TNFAIP8L3: variants seen among roughly 807,000 people sequenced by gnomAD.
TNFAIP8L3 encodes the protein TNF alpha induced protein 8 like 3, also known as tumor necrosis factor alpha-induced protein 8-like protein 3.
TNFAIP8L3 carries 7 observed loss-of-function variants against 11.8 expected under a neutral mutation model. The observed-to-expected ratio is 0.59, with a 90% confidence interval of 0.34 to 1.11. The LOEUF is 1.11. Ranked by LOEUF, TNFAIP8L3 falls within the 50% of genes most tolerant of loss-of-function variation. The probability of loss-of-function intolerance (pLI) is 0.03; values close to 1 mark genes in which losing one functional copy is unlikely to be tolerated. For missense variants in TNFAIP8L3, 219 were observed against 258.6 expected (o/e 0.85, Z 1.05); for synonymous variants, 98 against 103.8 (o/e 0.94, Z 0.34).
chr15:51,058,456 A>T lies in TNFAIP8L3; in HGVS notation c.53-13T>A. On this transcript the variant is annotated splice_polypyrimidine_tract_variant and intron_variant, in intron 1 of 1. Coordinates refer to ENST00000637513, the MANE Select transcript of TNFAIP8L3 (RefSeq NM_001311175.2). The stretch of plus-strand genomic sequence containing the variant: ...AAAACATCAGGACCTATGGTAAAAA[A>T]AATATATATAAAAGTTTTAGAAATA... 7.4e-7 allele frequency: 1 copy of T among 1,357,564 alleles called. No individual in the cohort carries two copies. Among genetic ancestry groups the T allele is most frequent in the Non-Finnish European group, 9.4e-7 (1 of 1,066,726 alleles). The allele number at this position is 1,357,564 out of a possible 1,614,324, so 84.1% of individuals were successfully genotyped here.
At chr15:51,077,021 T>C (rs2065356492) in intron 1 of TNFAIP8L3, among the ~76,000 whole-genome samples, 1 of 152,154 alleles carries the variant, frequency 6.6e-6, no homozygotes, top group South Asian at 2.1e-4. Context: ...CCATTCTTCG[T>C]AAATGGAATC....
At chr15:51,083,547 G>A (rs1449230259) in intron 1 of TNFAIP8L3, among the ~76,000 whole-genome samples, 2 of 152,264 alleles carry the variant, frequency 1.3e-5, no homozygotes, top group Non-Finnish European at 2.9e-5. Context: ...CCAGCGAGCA[G>A]CAGCGACGCT....
chr15:51,087,917 C>CTTTA (rs2065440619), intron 1 of TNFAIP8L3, among the ~76,000 whole-genome samples: 1 of 15,536 alleles, frequency 6.4e-5, no homozygotes, highest in Non-Finnish European at 1.3e-4. Flanking sequence ...TCTAGCATAC[C>CTTTA]TTTATATATA....
chr15:51,077,779 G>A (rs1164069912), intron 1 of TNFAIP8L3, among the ~76,000 whole-genome samples: 3 of 152,242 alleles, frequency 2.0e-5, no homozygotes, highest in Non-Finnish European at 4.4e-5. Flanking sequence ...CGGAGCCTCA[G>A]GATTTCGCGC....
At chr15:51,103,696 C>T (rs1489591979) in intron 1 of TNFAIP8L3, among the ~76,000 whole-genome samples, 13 of 152,218 alleles carry the variant, frequency 8.5e-5, no homozygotes, top group Non-Finnish European at 1.6e-4. Context: ...TCCTTCCAAA[C>T]TCCGTGTTAC....
At chr15:51,074,976 C>A (rs2065339529) in intron 1 of TNFAIP8L3, among the ~76,000 whole-genome samples, 1 of 152,206 alleles carries the variant, frequency 6.6e-6, no homozygotes, top group African/African-American at 2.4e-5. Flanking sequence ...GTGCTGAGTT[C>A]TTAGGGATTG....
At chr15:51,104,897 T>G in intron 1 of TNFAIP8L3, 1 of 1,361,538 alleles carries the variant, frequency 7.3e-7, no homozygotes, top group Non-Finnish European at 1.0e-6. Flanking sequence ...GTGCTGGCCC[T>G]CTTCAGATGC....
intron 1 of TNFAIP8L3, among the ~76,000 whole-genome samples, chr15:51,077,786 G>A (rs1009097173): frequency 2.0e-5 from 3 of 152,236 alleles, no homozygotes; most frequent in African/African-American, 4.8e-5. Flanking sequence ...TCAGGATTTC[G>A]CGCCTTGGGC....
chr15:51,077,199 G>A (rs139923437), intron 1 of TNFAIP8L3, among the ~76,000 whole-genome samples: 1,589 of 152,276 alleles, frequency 0.01, 14 homozygotes, highest in Middle Eastern at 0.027. Context: ...GCCTGTGCTC[G>A]CCACAGAGCG....
intron 1 of TNFAIP8L3, among the ~76,000 whole-genome samples, chr15:51,100,656 C>T (rs1028155489): frequency 4.6e-5 from 7 of 151,812 alleles, no homozygotes; most frequent in African/African-American, 1.7e-4. Context: ...TCTGGTGCCA[C>T]ATTTTAAGAA....
intron 1 of TNFAIP8L3, among the ~76,000 whole-genome samples, chr15:51,084,517 T>A (rs1161264917): frequency 6.6e-6 from 1 of 152,240 alleles, no homozygotes; most frequent in African/African-American, 2.4e-5. Flanking sequence ...ATCTGTTTCT[T>A]CATCTGTAAA....
chr15:51,080,381 T>C (rs1761927782), intron 1 of TNFAIP8L3, among the ~76,000 whole-genome samples: 1 of 152,170 alleles, frequency 6.6e-6, no homozygotes. Flanking sequence ...TCTCAATAGG[T>C]TCAAACACAT....
chr15:51,083,948 G>T (rs1272989563), intron 1 of TNFAIP8L3, among the ~76,000 whole-genome samples: 1 of 152,238 alleles, frequency 6.6e-6, no homozygotes, highest in Non-Finnish European at 1.5e-5. Flanking sequence ...TGGGGAACAG[G>T]CACTGCAGCT....
At chr15:51,092,931 G>A (rs937425492) in intron 1 of TNFAIP8L3, among the ~76,000 whole-genome samples, 4 of 152,180 alleles carry the variant, frequency 2.6e-5, no homozygotes, top group Admixed American at 2.0e-4. Flanking sequence ...CAGAAGAAGA[G>A]ATAGAGGGTT....
intron 1 of TNFAIP8L3, among the ~76,000 whole-genome samples, chr15:51,072,383 G>A (rs997244510): frequency 6.6e-6 from 1 of 152,170 alleles, no homozygotes; most frequent in Non-Finnish European, 1.5e-5. Context: ...CAAGTGATCT[G>A]CCTCCTCTTA....
intron 1 of TNFAIP8L3, among the ~76,000 whole-genome samples, chr15:51,092,454 C>G (rs958487808): frequency 1.3e-5 from 2 of 152,238 alleles, no homozygotes; most frequent in African/African-American, 2.4e-5. Flanking sequence ...AGCTTTGAAG[C>G]ACTGTCATAC....
chr15:51,065,756 G>A (rs749303138), intron 1 of TNFAIP8L3, among the ~76,000 whole-genome samples: 36 of 152,134 alleles, frequency 2.4e-4, no homozygotes, highest in Non-Finnish European at 3.2e-4. Flanking sequence ...GTGGATAGCT[G>A]TGTCAAAATT....
intron 1 of TNFAIP8L3, among the ~76,000 whole-genome samples, chr15:51,091,997 C>T (rs7170736): frequency 0.83 from 126,279 of 152,158 alleles, 52,687 homozygotes; most frequent in East Asian, 0.98. Flanking sequence ...TGTGGTACTA[C>T]TGTTATCCTC....
chr15:51,068,190 G>A (rs1480720308), intron 1 of TNFAIP8L3, among the ~76,000 whole-genome samples: 2 of 152,196 alleles, frequency 1.3e-5, no homozygotes, highest in South Asian at 2.1e-4. Context: ...GGGGTTCAGG[G>A]ATGAGTCAAG....
Sources: gnomAD v4.1 joint callset for allele counts (sites outside exome capture counted in the v4.1 genomes callset) on GRCh38, gnomAD v4.1.1 for gene constraint, MANE v1.5 for transcripts, NCBI Gene and HGNC (gene_info 2026-07-23, HGNC 2026-07-21) for gene names.